The following FRMD4A variants were observed in gnomAD, a reference collection of about 807,000 sequenced individuals.
FRMD4A encodes the protein FERM domain containing 4A, also known as FERM domain-containing protein 4A.
Under a neutral mutation model 129.1 loss-of-function variants are expected in FRMD4A, and 29 were observed. The ratio of observed to expected loss-of-function variants is 0.22; its 90% CI spans 0.17 to 0.31. FRMD4A has a LOEUF of 0.31. Among genes scored for constraint, FRMD4A ranks in the 10% least tolerant of loss-of-function variants. The probability of loss-of-function intolerance (pLI) is 1.00; values close to 1 mark genes in which losing one functional copy is unlikely to be tolerated. For missense variants in FRMD4A, 1,272 were observed against 1,375.8 expected (o/e 0.92, Z 1.19); for synonymous variants, 634 against 571.6 (o/e 1.11, Z -1.56).
intron 2 of FRMD4A, among the ~76,000 whole-genome samples, chr10:14,110,149 CTCTTT>C (rs1837822938): frequency 2.7e-5 from 1 of 37,554 alleles, no homozygotes; most frequent in Non-Finnish European, 5.9e-5. Flanking sequence ...AAAAAAAAAG[CTCTTT>C]TCTTTATTTT....
chr10:13,848,478 G>C lies in FRMD4A; in HGVS notation c.111+10369C>G, dbSNP rs12414799. Among the ~76,000 whole-genome samples, 1,351 of 152,238 alleles carry C rather than the reference G, an allele frequency of 8.9e-3. 49 individuals carry two copies. The highest frequency in any genetic ancestry group is 0.057 in the Admixed American group (864 of 15,282). On this transcript the variant is annotated intron_variant, in intron 3 of 24. Transcript: ENST00000357447. Reference sequence around the variant, plus strand: ...ACATGGAGGTGGTCCAGGAAGAAGGGGGAGGGGGGCAGGGGCGCAAAGAAG... The same window carrying C: ...ACATGGAGGTGGTCCAGGAAGAAGGCGGAGGGGGGCAGGGGCGCAAAGAAG...
intron 2 of FRMD4A, among the ~76,000 whole-genome samples, chr10:14,324,543 G>C (rs977190597): frequency 1.3e-5 from 2 of 152,174 alleles, no homozygotes; most frequent in African/African-American, 4.8e-5. Flanking sequence ...TGGCTTCACT[G>C]TATTACTATG....
At chr10:14,325,909 C>T (rs1843254885) in intron 2 of FRMD4A, among the ~76,000 whole-genome samples, 1 of 152,168 alleles carries the variant, frequency 6.6e-6, no homozygotes, top group Non-Finnish European at 1.5e-5. Context: ...GCCCAGAAAT[C>T]TGAAATCAAA....
intron 2 of FRMD4A, among the ~76,000 whole-genome samples, chr10:14,027,620 CA>C (rs904197683): frequency 6.6e-6 from 1 of 152,032 alleles, no homozygotes; most frequent in African/African-American, 2.4e-5. Flanking sequence ...CTGTCTCAAA[CA>C]AAAACAAAAA....
intron 2 of FRMD4A, among the ~76,000 whole-genome samples, chr10:13,864,998 A>G (rs2094346547): frequency 6.6e-6 from 1 of 152,032 alleles, no homozygotes. Flanking sequence ...TTTTTGAGAA[A>G]GGGTCTTGCT....
chr10:13,902,451 A>T (rs538233184), intron 2 of FRMD4A, among the ~76,000 whole-genome samples: 23 of 80,888 alleles, frequency 2.8e-4, no homozygotes, highest in African/African-American at 1.1e-3. Flanking sequence ...GTTAGGCAAA[A>T]TACTGGAGAG....
intron 2 of FRMD4A, among the ~76,000 whole-genome samples, chr10:13,930,034 G>A (rs564528576): frequency 1.3e-5 from 2 of 152,302 alleles, no homozygotes; most frequent in South Asian, 4.1e-4. Context: ...AGGACATGGA[G>A]TGAGAATTAA....
chr10:13,810,947 G>T lies in FRMD4A; in HGVS notation c.112-39C>A, dbSNP rs1031036435. On this transcript the variant is annotated intron_variant, in intron 3 of 24. Transcript: ENST00000357447. Reference sequence around the variant, plus strand: ...ACAATGGAAGAAGGGTAAGTGATGAGAGACTGCTTTTCCTAAAATATGCAA... The same window carrying T: ...ACAATGGAAGAAGGGTAAGTGATGATAGACTGCTTTTCCTAAAATATGCAA... 10 of 1,023,736 alleles carry T rather than the reference G, an allele frequency of 9.8e-6. No individual in the cohort carries two copies. The Admixed American group carries it at 1.6e-4, about 17-fold the overall frequency. 63.4% of individuals were successfully genotyped at this position (1,023,736 alleles called of 1,614,324 possible).
intron 3 of FRMD4A, among the ~76,000 whole-genome samples, chr10:13,813,370 G>A (rs1421118360): frequency 1.3e-5 from 2 of 152,206 alleles, no homozygotes; most frequent in Non-Finnish European, 2.9e-5. Context: ...GAACCTGGGA[G>A]GTGGAGGTTG....
intron 2 of FRMD4A, among the ~76,000 whole-genome samples, chr10:14,304,888 G>A (rs1222631615): frequency 6.6e-6 from 1 of 152,204 alleles, no homozygotes; most frequent in Non-Finnish European, 1.5e-5. Context: ...GGATAACTCT[G>A]AAGTGTGTTC....
intron 14 of FRMD4A, among the ~76,000 whole-genome samples, chr10:13,695,297 C>T (rs1182001186): frequency 1.3e-5 from 2 of 152,048 alleles, no homozygotes; most frequent in Admixed American, 1.3e-4. Context: ...TCCACCACCA[C>T]GCCCAGCTAA....
chr10:13,817,003 C>T (rs975305500), intron 3 of FRMD4A, among the ~76,000 whole-genome samples: 12 of 152,224 alleles, frequency 7.9e-5, no homozygotes, highest in African/African-American at 2.9e-4. Flanking sequence ...AATAGTTTCT[C>T]TCTTTTCTTT....
intron 4 of FRMD4A, among the ~76,000 whole-genome samples, chr10:13,805,118 T>C (rs2093337170): frequency 6.6e-6 from 1 of 152,118 alleles, no homozygotes; most frequent in East Asian, 1.9e-4. Flanking sequence ...AAATCAGAGG[T>C]TAAAAGCTAC....
rs79218554 is a variant in FRMD4A, at chr10:13,730,229, A to G, written c.759+7615T>C. Among the ~76,000 whole-genome samples the G allele has an allele frequency of 9.5e-3, 1,452 of 152,316 alleles. 21 individuals are homozygous for G. Among genetic ancestry groups the G allele is most frequent in the African/African-American group, 0.03 (1,254 of 41,570 alleles). On this transcript the variant is annotated intron_variant, in intron 12 of 24. Coordinates refer to ENST00000357447, the MANE Select transcript of FRMD4A (RefSeq NM_018027.5). Reference sequence around the variant, plus strand: ...AGGAACGTAAGGACCCCTCCCCTACAGAGAGAGCCGGACGTGAGCCAGATT... The same window carrying G: ...AGGAACGTAAGGACCCCTCCCCTACGGAGAGAGCCGGACGTGAGCCAGATT...
In FRMD4A at chr10:14,014,780, G is replaced by T. The variant is rs372670623; in HGVS notation, c.46-155868C>A. Reference sequence around the variant, plus strand: ...TTTCTCTTGGTTTTACCTACGGTTTGCTCTGACACAGTGCGCTGTTTGCAG... The same window carrying T: ...TTTCTCTTGGTTTTACCTACGGTTTTCTCTGACACAGTGCGCTGTTTGCAG... On this transcript the variant is annotated intron_variant, in intron 2 of 24. Transcript: ENST00000357447. 2.6e-5 allele frequency among the ~76,000 whole-genome samples: 4 copies of T among 152,330 alleles called. No homozygotes were observed. The South Asian group carries it at 6.2e-4, about 24-fold the overall frequency.
At chr10:14,071,238 A>G (rs1343492878) in intron 2 of FRMD4A, among the ~76,000 whole-genome samples, 1 of 152,252 alleles carries the variant, frequency 6.6e-6, no homozygotes, top group Non-Finnish European at 1.5e-5. Context: ...CTCTGAAACT[A>G]CATGCCACAT....
chr10:13,746,285 C>G lies in FRMD4A; in HGVS notation c.548+1451G>C, dbSNP rs113035461. The stretch of plus-strand genomic sequence containing the variant: ...GAGTGCAGTGGCACAATCTTTGTTC[C>G]CTGCAACCTCCGACTCCCAAGTTCA... On this transcript the variant is annotated intron_variant, in intron 9 of 24. Coordinates refer to ENST00000357447, the MANE Select transcript of FRMD4A (RefSeq NM_018027.5). Among the ~76,000 whole-genome samples the G allele has an allele frequency of 3.5e-3, 530 of 152,190 alleles. 5 individuals carry two copies. Among genetic ancestry groups the G allele is most frequent in the African/African-American group, 8.6e-3 (358 of 41,526 alleles).
chr10:14,113,612 CT>C (rs1419419177), intron 2 of FRMD4A, among the ~76,000 whole-genome samples: 2 of 152,226 alleles, frequency 1.3e-5, no homozygotes, highest in South Asian at 2.1e-4. Flanking sequence ...ATCAATGCCC[CT>C]AACCCCTATG....
At chr10:14,219,001 G>C (rs935735730) in intron 2 of FRMD4A, among the ~76,000 whole-genome samples, 1 of 127,180 alleles carries the variant, frequency 7.9e-6, no homozygotes, top group East Asian at 2.5e-4. Flanking sequence ...AAAAAGATGT[G>C]TTTTAGCTAT....
Sources: gnomAD v4.1 joint callset for allele counts (sites outside exome capture counted in the v4.1 genomes callset) on GRCh38, gnomAD v4.1.1 for gene constraint, MANE v1.5 for transcripts, NCBI Gene and HGNC (gene_info 2026-07-23, HGNC 2026-07-21) for gene names.